The following ASAP1 variants were observed in gnomAD, a reference collection of about 807,000 sequenced individuals.
The protein encoded by ASAP1 is ArfGAP with SH3 domain, ankyrin repeat and PH domain 1.
ASAP1 carries 43 observed loss-of-function variants against 145.2 expected under a neutral mutation model. The ratio of observed to expected loss-of-function variants is 0.30; its 90% CI spans 0.23 to 0.38. The LOEUF (loss-of-function observed/expected upper bound fraction) is 0.38. Among genes scored for constraint, ASAP1 ranks in the 10% least tolerant of loss-of-function variants. The pLI is 1.00. For missense variants in ASAP1, 1,018 were observed against 1,355.3 expected, an observed-to-expected ratio of 0.75 and a Z score of 3.91; for synonymous variants, 546 against 515.5, an observed-to-expected ratio of 1.06 and a Z score of -0.80.
chr8:130,267,313 G>A (rs1185221512), intron 3 of ASAP1, among the ~76,000 whole-genome samples: 2 of 152,116 alleles, frequency 1.3e-5, no homozygotes, highest in Non-Finnish European at 2.9e-5. Flanking sequence ...TAGTAGTCAA[G>A]CAATTCATGG....
At chr8:130,348,998 A>C (rs1487933805) in intron 3 of ASAP1, among the ~76,000 whole-genome samples, 4 of 152,234 alleles carry the variant, frequency 2.6e-5, no homozygotes, top group African/African-American at 4.8e-5. Context: ...GTGTAGAAGA[A>C]GGCAGAAAGA....
intron 3 of ASAP1, among the ~76,000 whole-genome samples, chr8:130,241,372 A>T (rs991544389): frequency 1.4e-4 from 21 of 152,022 alleles, no homozygotes; most frequent in African/African-American, 5.1e-4. Flanking sequence ...CTTTTACGGT[A>T]TTTTTCTCTC....
intron 3 of ASAP1, among the ~76,000 whole-genome samples, chr8:130,316,462 G>T (rs1394575643): frequency 6.6e-6 from 1 of 152,162 alleles, no homozygotes. Flanking sequence ...TAGAATCCTG[G>T]TTTTTACCAG....
At chr8:130,057,714 C>T (rs537846457) in intron 29 of ASAP1, among the ~76,000 whole-genome samples, 5 of 152,356 alleles carry the variant, frequency 3.3e-5, no homozygotes, top group South Asian at 2.1e-4. Context: ...TCCCAAAGTG[C>T]TGGGATTACA....
intron 24 of ASAP1, among the ~76,000 whole-genome samples, chr8:130,106,318 C>A (rs2097536766): frequency 6.6e-6 from 1 of 152,192 alleles, no homozygotes; most frequent in South Asian, 2.1e-4. Context: ...ACTGTAAAGT[C>A]ATCAATATAT....
At chr8:130,066,919 C>A (rs2097432101) in intron 27 of ASAP1, among the ~76,000 whole-genome samples, 1 of 152,190 alleles carries the variant, frequency 6.6e-6, no homozygotes, top group African/African-American at 2.4e-5. Context: ...CAGGCCCTTT[C>A]CCAAAGCTGC....
intron 3 of ASAP1, among the ~76,000 whole-genome samples, chr8:130,282,974 GA>G (rs1821345005): frequency 6.6e-6 from 1 of 152,186 alleles, no homozygotes; most frequent in African/African-American, 2.4e-5. Flanking sequence ...TGCCAATTGG[GA>G]AAGGGGATGC....
chr8:130,124,135 T>G (rs199760248), intron 17 of ASAP1, 31 bp from the exon 18 acceptor site: 17 of 1,452,336 alleles, frequency 1.2e-5, no homozygotes, highest in Non-Finnish European at 1.6e-5. Context: ...AACCACAATA[T>G]AGCAAACTCT....
At chr8:130,425,488 G>A (rs1432851792) in intron 1 of ASAP1, among the ~76,000 whole-genome samples, 1 of 152,158 alleles carries the variant, frequency 6.6e-6, no homozygotes, top group East Asian at 1.9e-4. Flanking sequence ...CTGCACTCCA[G>A]CCTGGGCGAC....
intron 2 of ASAP1, among the ~76,000 whole-genome samples, chr8:130,386,385 T>C (rs1043971386): frequency 6.6e-6 from 1 of 152,150 alleles, no homozygotes; most frequent in African/African-American, 2.4e-5. Context: ...AGGTAACACG[T>C]TCCATTGCCG....
intron 15 of ASAP1, among the ~76,000 whole-genome samples, chr8:130,129,965 C>T (rs975596245): frequency 7.2e-5 from 11 of 152,096 alleles, no homozygotes; most frequent in African/African-American, 2.4e-4. Flanking sequence ...AAATCAAGAA[C>T]CTGGGTTCAA....
chr8:130,107,496 T>TC (rs1491146203), intron 24 of ASAP1, among the ~76,000 whole-genome samples: 47 of 69,104 alleles, frequency 6.8e-4, no homozygotes, highest in African/African-American at 1.6e-3. Context: ...ATAGTCTCTC[T>TC]TTTTTTTTTT....
At chr8:130,295,758 G>A (rs997814549) in intron 3 of ASAP1, among the ~76,000 whole-genome samples, 10 of 152,172 alleles carry the variant, frequency 6.6e-5, no homozygotes, top group Admixed American at 5.9e-4. Context: ...CCTAAAAATA[G>A]CATGAAGCTG....
intron 24 of ASAP1, among the ~76,000 whole-genome samples, chr8:130,108,757 G>GTTTTTTTTTTT (rs10568607): frequency 1.2e-4 from 6 of 51,560 alleles, no homozygotes; most frequent in Non-Finnish European, 1.6e-4. Context: ...TCAAAAACCA[G>GTTTTTTTTTTT]TTTTTTTTTT....
intron 5 of ASAP1, among the ~76,000 whole-genome samples, chr8:130,194,231 G>A (rs778598847): frequency 1.3e-5 from 2 of 152,024 alleles, no homozygotes; most frequent in African/African-American, 2.4e-5. Context: ...CCAGGAAAAC[G>A]TAGGTTAATT....
chr8:130,265,599 G>A (rs1214772059), intron 3 of ASAP1, among the ~76,000 whole-genome samples: 2 of 151,016 alleles, frequency 1.3e-5, no homozygotes, highest in African/African-American at 4.9e-5. Flanking sequence ...AAAAGGTCAG[G>A]TTTGGCAGCT....
intron 3 of ASAP1, among the ~76,000 whole-genome samples, chr8:130,328,680 G>C (rs1425786519): frequency 6.6e-6 from 1 of 151,710 alleles, no homozygotes; most frequent in Non-Finnish European, 1.5e-5. Context: ...GAGTACAGTG[G>C]TGTGATCATA....
chr8:130,389,134 T>C (rs200393704), intron 2 of ASAP1, among the ~76,000 whole-genome samples: 7 of 141,942 alleles, frequency 4.9e-5, no homozygotes, highest in African/African-American at 9.8e-5. Context: ...GTTGCTGCTG[T>C]TGTTGTTGTT....
intron 3 of ASAP1, among the ~76,000 whole-genome samples, chr8:130,244,891 T>C (rs377539037): frequency 6.6e-6 from 1 of 151,808 alleles, no homozygotes; most frequent in African/African-American, 2.4e-5. Flanking sequence ...GGAATGGGAG[T>C]AAGGGTGCAG....
Sources: allele counts gnomAD v4.1 joint callset (sites outside exome capture counted in the v4.1 genomes callset), GRCh38; gene constraint gnomAD v4.1.1; transcripts MANE v1.5; gene names NCBI Gene and HGNC (gene_info 2026-07-23, HGNC 2026-07-21).